Variants in PRIM2 observed in about 807,000 individuals in gnomAD.
The protein encoded by PRIM2 is DNA primase large subunit.
In PRIM2, 39 loss-of-function variants were observed where a neutral mutation model predicts 67.3. The ratio of observed to expected loss-of-function variants is 0.58; its 90% CI spans 0.45 to 0.76. The LOEUF (loss-of-function observed/expected upper bound fraction) is 0.76. Among genes scored for constraint, PRIM2 ranks in the 30% least tolerant of loss-of-function variants. The pLI is 0.00. For missense variants in PRIM2, 398 were observed against 598.7 expected (o/e 0.66, Z 3.50); for synonymous variants, 143 against 198.7 (o/e 0.72, Z 2.36).
At chr6:57,638,480 A>G (rs1258781266) in intron 13 of PRIM2, among the ~76,000 whole-genome samples, 26 of 150,148 alleles carry the variant, frequency 1.7e-4, no homozygotes, top group African/African-American at 6.3e-4. Context: ...GTCAAGACCC[A>G]TCGGTGTGCT....
At chr6:57,409,602 G>C (rs1771015956) in intron 7 of PRIM2, among the ~76,000 whole-genome samples, 1 of 152,176 alleles carries the variant, frequency 6.6e-6, no homozygotes, top group South Asian at 2.1e-4. Context: ...TAGTGTATGT[G>C]TTCCAGTTAT....
At chr6:57,297,743 A>G in the PRIM2 span, among the ~76,000 whole-genome samples, 1 of 152,224 alleles carries the variant, frequency 6.6e-6, no homozygotes. Flanking sequence ...AAGGCACAAC[A>G]TCTTCTCTTG....
At chr6:57,303,364 A>T in the PRIM2 span, among the ~76,000 whole-genome samples, 3 of 152,162 alleles carry the variant, frequency 2.0e-5, no homozygotes, top group Non-Finnish European at 4.4e-5. Context: ...TTTATATTTT[A>T]AAAATGATTT....
intron 10 of PRIM2, among the ~76,000 whole-genome samples, chr6:57,567,945 G>T (rs1239615780): frequency 6.6e-6 from 1 of 152,118 alleles, no homozygotes; most frequent in Non-Finnish European, 1.5e-5. Flanking sequence ...GTGAACGAAG[G>T]TATGTATATG....
the PRIM2 span, among the ~76,000 whole-genome samples, chr6:57,263,441 C>T: frequency 7.2e-5 from 11 of 152,286 alleles, no homozygotes; most frequent in Middle Eastern, 6.8e-3. Context: ...GGCTTAGAGC[C>T]GCTTCACTCA....
At chr6:57,333,541 T>C (rs980330893) in intron 5 of PRIM2, among the ~76,000 whole-genome samples, 1 of 152,178 alleles carries the variant, frequency 6.6e-6, no homozygotes, top group Admixed American at 6.5e-5. Context: ...AATCTGAAGA[T>C]TTGATTCTTC....
chr6:57,484,368 G>C (rs1430035513), intron 7 of PRIM2, among the ~76,000 whole-genome samples: 1 of 152,108 alleles, frequency 6.6e-6, no homozygotes, highest in East Asian at 1.9e-4. Context: ...AGCTGTTGTC[G>C]TCGCTTTCTT....
At chr6:57,299,194 G>T in the PRIM2 span, among the ~76,000 whole-genome samples, 1,393 of 151,986 alleles carry the variant, frequency 9.2e-3, 23 homozygotes, top group African/African-American at 0.032. Flanking sequence ...TTTATTTGGG[G>T]CTTTAATGTG....
intron 5 of PRIM2, among the ~76,000 whole-genome samples, chr6:57,347,347 T>C (rs1015962324): frequency 4.6e-5 from 7 of 152,246 alleles, no homozygotes; most frequent in Non-Finnish European, 8.8e-5. Flanking sequence ...TCTGGTGATA[T>C]AAGGAGACTG....
At chr6:57,636,571 TGC>T (rs1221314537) in intron 13 of PRIM2, among the ~76,000 whole-genome samples, 1 of 152,214 alleles carries the variant, frequency 6.6e-6, no homozygotes, top group Non-Finnish European at 1.5e-5. Context: ...AATTTCATTT[TGC>T]TATCAAGCAA....
intron 8 of PRIM2, among the ~76,000 whole-genome samples, chr6:57,519,009 G>A (rs1300847271): frequency 2.0e-5 from 3 of 152,122 alleles, no homozygotes; most frequent in Non-Finnish European, 4.4e-5. Context: ...GGTGTCCGGG[G>A]GAGACATCAC....
the PRIM2 span, among the ~76,000 whole-genome samples, chr6:57,247,086 C>A: frequency 6.6e-6 from 1 of 152,186 alleles, no homozygotes; most frequent in African/African-American, 2.4e-5. Flanking sequence ...GATCTCCTGA[C>A]CTCGTGATCC....
intron 7 of PRIM2, among the ~76,000 whole-genome samples, chr6:57,457,442 G>A (rs1466769011): frequency 3.2e-4 from 48 of 152,304 alleles, no homozygotes; most frequent in Non-Finnish European, 6.0e-4. Flanking sequence ...CCACCCAGAT[G>A]GAGCTTCCTG....
chr6:57,474,875 T>C (rs2127403276), intron 7 of PRIM2, among the ~76,000 whole-genome samples: 1 of 152,332 alleles, frequency 6.6e-6, no homozygotes, highest in Non-Finnish European at 1.5e-5. Context: ...TCTGTGCACT[T>C]CAATGCTGAC....
chr6:57,566,601 T>G, intron 10 of PRIM2, among the ~76,000 whole-genome samples: 1 of 152,280 alleles, frequency 6.6e-6, no homozygotes, highest in East Asian at 1.9e-4. Context: ...GAATCAAACC[T>G]AAGTTTTTGA....
chr6:57,539,638 GTGTGTGTGTGTGTGTGTGTA>G (rs1199809231), intron 10 of PRIM2, among the ~76,000 whole-genome samples: 5 of 69,558 alleles, frequency 7.2e-5, no homozygotes, highest in South Asian at 3.0e-4. Context: ...GTGTGTGTGT[GTGTGTGTGTGTGTGTGTGTA>G]TATATATATA....
the PRIM2 span, among the ~76,000 whole-genome samples, chr6:57,241,203 G>C: frequency 1.4e-5 from 2 of 140,714 alleles, no homozygotes; most frequent in African/African-American, 5.4e-5. Flanking sequence ...CATCCTGGGC[G>C]ACAGAGCGAG....
upstream of PRIM2, among the ~76,000 whole-genome samples, chr6:57,312,490 C>A (rs1261401034): frequency 1.3e-5 from 2 of 152,016 alleles, no homozygotes; most frequent in Non-Finnish European, 2.9e-5. Context: ...CAACAGGAAA[C>A]CCTGTCTTGA....
intron 7 of PRIM2, among the ~76,000 whole-genome samples, chr6:57,457,529 A>T (rs1266074877): frequency 6.6e-6 from 1 of 152,036 alleles, no homozygotes; most frequent in Admixed American, 6.5e-5. Context: ...TTGCAGTTTG[A>T]TCTCAGGCTG....
Sources: allele counts gnomAD v4.1 joint callset (sites outside exome capture counted in the v4.1 genomes callset), GRCh38; gene constraint gnomAD v4.1.1; transcripts MANE v1.5; gene names NCBI Gene and HGNC (gene_info 2026-07-23, HGNC 2026-07-21).